KIZ: variants seen among roughly 807,000 people sequenced by gnomAD.
KIZ encodes the protein centrosomal protein kizuna.
Under a neutral mutation model 79.6 loss-of-function variants are expected in KIZ, and 68 were observed. The observed-to-expected ratio is 0.85, with a 90% CI of 0.70 to 1.05. KIZ has a LOEUF of 1.05. KIZ is among the 50% of genes least tolerant of loss of function. The probability of loss-of-function intolerance (pLI) is 0.00; values close to 1 mark genes in which losing one functional copy is unlikely to be tolerated. For missense variants in KIZ, 797 were observed against 800.4 expected (o/e 1.00, Z 0.05); for synonymous variants, 280 against 281.8 (o/e 0.99, Z 0.06).
At chr20:21,199,032 C>A (rs2035477718) in intron 6 of KIZ, among the ~76,000 whole-genome samples, 1 of 152,150 alleles carries the variant, frequency 6.6e-6, no homozygotes, top group Non-Finnish European at 1.5e-5. Context: ...TTGGCATAAA[C>A]CACAGTTGTG....
At chr20:21,219,811 C>G (rs1385250444) in intron 9 of KIZ, among the ~76,000 whole-genome samples, 3 of 152,156 alleles carry the variant, frequency 2.0e-5, no homozygotes, top group African/African-American at 4.8e-5. Flanking sequence ...GGGGCTCCTC[C>G]TTAAAGAGTC....
At chr20:21,224,220 C>CA (rs2036591776) in intron 9 of KIZ, among the ~76,000 whole-genome samples, 1 of 152,132 alleles carries the variant, frequency 6.6e-6, no homozygotes, top group African/African-American at 2.4e-5. Flanking sequence ...CTCAGGTGAT[C>CA]TGCCCGCCTC....
chr20:21,146,646 A>G (rs2032862779), intron 4 of KIZ, among the ~76,000 whole-genome samples: 1 of 152,228 alleles, frequency 6.6e-6, no homozygotes, highest in Non-Finnish European at 1.5e-5. Flanking sequence ...CCTGGCTGCC[A>G]GTAAATGTTA....
intron 6 of KIZ, chr20:21,197,981 G>C (rs987017360): frequency 2.6e-5 from 4 of 152,244 alleles, no homozygotes; most frequent in Non-Finnish European, 5.9e-5. Flanking sequence ...CATTGCTGTC[G>C]TGGTGGGATG....
chr20:21,216,857 C>T (rs2036313458), intron 9 of KIZ, among the ~76,000 whole-genome samples: 2 of 152,182 alleles, frequency 1.3e-5, no homozygotes, highest in Admixed American at 1.3e-4. Context: ...CTTCTCTTTT[C>T]AGTATTCTTT....
At chr20:21,205,658 TA>T (rs11478463) in intron 7 of KIZ, 74 bp downstream of exon 7, 199,264 of 490,066 alleles carry the variant, frequency 0.41, 13,375 homozygotes, top group African/African-American at 0.56. Flanking sequence ...AATTTTTATT[TA>T]AAAAAAAAAA....
chr20:21,166,164 T>TTTTTCATGAGGG, intron 6 of KIZ: 1 of 926,894 alleles, frequency 1.1e-6, no homozygotes, highest in Non-Finnish European at 1.6e-6. Context: ...TTTTTTTTTT[T>TTTTTCATGAGGG]GTCCATGAGG....
At chr20:21,173,053 G>A (rs6035802) in intron 6 of KIZ, among the ~76,000 whole-genome samples, 87,851 of 151,974 alleles carry the variant, frequency 0.58, 27,058 homozygotes, top group South Asian at 0.78. Context: ...AGTGTGCCAC[G>A]TTGTGAAGGG....
intron 6 of KIZ, among the ~76,000 whole-genome samples, chr20:21,181,764 GTTC>G (rs1392033317): frequency 6.6e-6 from 1 of 152,064 alleles, no homozygotes; most frequent in Non-Finnish European, 1.5e-5. Flanking sequence ...TGGCTTCTGA[GTTC>G]TTTTTTAAAA....
At chr20:21,126,302 C>G in intron 1 of KIZ, 98 bp downstream of exon 1, 1 of 864,136 alleles carries the variant, frequency 1.2e-6, no homozygotes, top group Non-Finnish European at 1.6e-6. Flanking sequence ...CCGAGGTTCC[C>G]CGGGGCCCAG....
intron 2 of KIZ, 36 bp downstream of exon 2, chr20:21,132,195 G>T (rs1262885399): frequency 4.0e-6 from 4 of 999,870 alleles, no homozygotes; most frequent in Non-Finnish European, 6.0e-6. Context: ...TTCAAGCCAG[G>T]TTCCATATAT....
At chr20:21,183,266 A>C (rs1448572425) in intron 6 of KIZ, among the ~76,000 whole-genome samples, 1 of 152,228 alleles carries the variant, frequency 6.6e-6, no homozygotes, top group Admixed American at 6.5e-5. Context: ...CAGAAAAAAA[A>C]TTAAGACCAT....
chr20:21,172,041 G>A (rs1356735039), intron 6 of KIZ, among the ~76,000 whole-genome samples: 1 of 152,154 alleles, frequency 6.6e-6, no homozygotes, highest in East Asian at 1.9e-4. Context: ...GATAATATGT[G>A]AAACAGAAGA....
chr20:21,130,332 A>G (rs1354702148), intron 1 of KIZ, among the ~76,000 whole-genome samples: 20 of 152,214 alleles, frequency 1.3e-4, no homozygotes, highest in East Asian at 1.9e-4. Flanking sequence ...TAGGAATACA[A>G]CAGAAATGAA....
chr20:21,228,932 A>T, intron 9 of KIZ, 79 bp from the exon 10 acceptor site: 6 of 673,502 alleles, frequency 8.9e-6, no homozygotes, highest in Non-Finnish European at 1.5e-5. Context: ...AGAAGTGTTA[A>T]TCTCATAGGA....
At chr20:21,181,371 G>T (rs1001311861) in intron 6 of KIZ, among the ~76,000 whole-genome samples, 6 of 152,164 alleles carry the variant, frequency 3.9e-5, no homozygotes, top group Admixed American at 3.9e-4. Context: ...GACATGTTAG[G>T]GGCAGGATGC....
Position 21,246,606 on chromosome 20 carries a change from C to A in KIZ, c.*30C>A. The A allele has an allele frequency of 1.5e-6, 2 of 1,290,930 alleles. No homozygotes were observed. The highest frequency in any genetic ancestry group is 2.2e-6 in the Non-Finnish European group (2 of 899,696). The allele number at this position is 1,290,930 out of a possible 1,614,324, so 80.0% of individuals were successfully genotyped here. The stretch of plus-strand genomic sequence containing the variant: ...CTGTGACATTGGTTTCAAATAAAGT[C>A]TTTAAACAAACTAAAATCCTGTGTT... On this transcript the variant is annotated 3_prime_UTR_variant, in exon 13 of 13. Transcript: ENST00000619189.
intron 7 of KIZ, 48 bp from the exon 8 acceptor site, chr20:21,214,487 G>C: frequency 7.1e-7 from 1 of 1,412,878 alleles, no homozygotes. Flanking sequence ...AGAGGAATGT[G>C]GCTACAGTTT....
chr20:21,149,762 G>A (rs775728098), intron 4 of KIZ, among the ~76,000 whole-genome samples: 3 of 152,212 alleles, frequency 2.0e-5, no homozygotes, highest in Non-Finnish European at 4.4e-5. Flanking sequence ...TCTCCAAGGA[G>A]TAAAGGGACC....
Sources: allele counts gnomAD v4.1 joint callset (sites outside exome capture counted in the v4.1 genomes callset), GRCh38; gene constraint gnomAD v4.1.1; transcripts MANE v1.5; gene names NCBI Gene and HGNC (gene_info 2026-07-23, HGNC 2026-07-21).